Variants in GTF2F1 observed in about 807,000 individuals in gnomAD.
GTF2F1 encodes the protein general transcription factor IIF subunit 1, also known as general transcription factor IIF 74 kDa subunit.
Under a neutral mutation model 63.5 loss-of-function variants are expected in GTF2F1, and 39 were observed. The observed-to-expected ratio is 0.61, with a 90% CI of 0.48 to 0.80. The LOEUF (loss-of-function observed/expected upper bound fraction) is 0.80, where lower values mean the gene tolerates loss of function less well. Ranked by LOEUF, GTF2F1 falls within the 30% of genes least tolerant of loss-of-function variation. The pLI is 0.00. For missense variants in GTF2F1, 657 were observed against 718.3 expected (o/e 0.91, Z 0.97); for synonymous variants, 287 against 285.3 (o/e 1.01, Z -0.06).
chr19:6,387,510 T>C lies in GTF2F1; in HGVS notation c.376A>G (p.Ile126Val). Residue 126 changes from isoleucine (I) to valine (V), a missense_variant, in exon 5 of 13, where the codon ATC (isoleucine) becomes GTC (valine). By Grantham distance (29) the Ile-to-Val change is conservative. This residue lies in a region of GTF2F1 where 602 missense variants were observed against 625.6 expected (regional missense o/e 0.96). Coordinates refer to ENST00000394456, the MANE Select transcript of GTF2F1 (RefSeq NM_002096.3). The part of the protein sequence containing the change: ...GGVTENTSYY[I>V]FTQCPDGAFE... ...GCCCCGTCGGGGCACTGGGTGAAGATGTAGTAGGACGTGTTCTCTGTTACG... is the reference window on the plus strand; with the variant it reads ...GCCCCGTCGGGGCACTGGGTGAAGACGTAGTAGGACGTGTTCTCTGTTACG... 1.2e-6 allele frequency: 2 copies of C among 1,614,164 alleles called. No individual in the cohort carries two copies. The highest frequency in any genetic ancestry group is 1.7e-6 in the Non-Finnish European group (2 of 1,180,012).
chr19:6,391,958 A>G lies in GTF2F1; in HGVS notation c.76T>C (p.Tyr26His). Residue 26 changes from tyrosine (Y) to histidine (H), a missense_variant, in exon 3 of 13, where the codon TAT becomes CAT. By Grantham distance (83) the Tyr-to-His change is moderately conservative. Coordinates refer to ENST00000394456, the MANE Select transcript of GTF2F1 (RefSeq NM_002096.3). ...VRVPKNTTKKYNIMAFNAADK... is the reference protein window; with the variant it reads ...VRVPKNTTKKHNIMAFNAADK... ...GCTGCATTAAAAGCCATGATGTTAT[A>G]TTTTTTGGTTGTATTCCTGGAGTGG... 1 of 1,574,204 alleles carries G rather than the reference A, an allele frequency of 6.4e-7. No individual in the cohort carries two copies. The highest frequency in any genetic ancestry group is 8.6e-7 in the Non-Finnish European group (1 of 1,156,728).
intron 2 of GTF2F1, 65 bp downstream of exon 2, chr19:6,392,789 TAAG>T: frequency 6.7e-7 from 1 of 1,485,386 alleles, no homozygotes; most frequent in South Asian, 1.1e-5. Context: ...AATGGCTGGC[TAAG>T]AAGATCGTGA....
At chr19:6,390,920 C>T (rs555188322) in intron 3 of GTF2F1, among the ~76,000 whole-genome samples, 1 of 152,180 alleles carries the variant, frequency 6.6e-6, no homozygotes, top group East Asian at 1.9e-4. Flanking sequence ...CATTGTGCAA[C>T]ACTTGCTGAC....
rs961221152 is a variant in GTF2F1 at position 6,383,726 on chromosome 19, G to A, written c.498-231C>T. 6.6e-6 allele frequency among the ~76,000 whole-genome samples: 1 copy of A among 152,198 alleles called. No homozygotes were observed. Among genetic ancestry groups the A allele is most frequent in the Non-Finnish European group, 1.5e-5 (1 of 68,038 alleles). On this transcript the variant is annotated intron_variant, in intron 5 of 12. Coordinates refer to ENST00000394456, the MANE Select transcript of GTF2F1 (RefSeq NM_002096.3). The surrounding 1 kb of genome is among the most constrained non-coding windows in gnomAD (Gnocchi z 4.5). Reference sequence around the variant, plus strand: ...GAGCAGGTCCCCATGTGCTGCTGGAGTCTCAGCACCTCCCTCGGACTCAGA... The same window carrying A: ...GAGCAGGTCCCCATGTGCTGCTGGAATCTCAGCACCTCCCTCGGACTCAGA...
chr19:6,389,691 G>GC, intron 3 of GTF2F1, 54 bp from the exon 4 acceptor site: 2 of 1,532,574 alleles, frequency 1.3e-6, no homozygotes, highest in Non-Finnish European at 9.0e-7. Flanking sequence ...CTTGCGCAGT[G>GC]CCCCCCTCCA....
chr19:6,383,310 CCCT>C lies in GTF2F1; in HGVS notation c.680_682del (p.Glu227del), dbSNP rs753025371. 5 of 1,613,686 alleles carry C rather than the reference CCCT, an allele frequency of 3.1e-6. 1 individual carries two copies. Among genetic ancestry groups the C allele is most frequent in the Admixed American group, 1.7e-5 (1 of 60,034 alleles). On this transcript the variant is annotated inframe_deletion and splice_region_variant, in exon 6 of 13. Transcript: ENST00000394456. The surrounding 1 kb of genome is among the most constrained non-coding windows in gnomAD (Gnocchi z 4.5). Reference sequence around the variant, plus strand: ...CCTAATGCCCAGGCGCCCGTACTCACCCTCCTCACCACTGGCATCACTGGCATC... The same window carrying C: ...CCTAATGCCCAGGCGCCCGTACTCACCCTCACCACTGGCATCACTGGCATC...
rs756054151 is a variant in GTF2F1 at position 6,381,031 on chromosome 19, C to T, written c.1104G>A (p.Thr368=). 7.4e-6 allele frequency: 12 copies of T among 1,611,434 alleles called. No individual in the cohort carries two copies. In the Admixed American group the frequency reaches 8.4e-5, roughly 11 times the overall value. ...ACGGCTTCCGCTCTCTCTTGGGTGG[C>T]GTCTTCTTCTTCTGCAGAGGTCAGG... is the stretch of plus-strand genomic sequence containing the variant. The part of the protein sequence containing the change: ...SSALFMAKKK[T]PPKRERKPSG... Residue 368 remains threonine, a synonymous_variant, in exon 11 of 13, where the codon ACG becomes ACA. Coordinates refer to ENST00000394456, the MANE Select transcript of GTF2F1 (RefSeq NM_002096.3). The surrounding 1 kb of genome is among the most constrained non-coding windows in gnomAD (Gnocchi z 4.1).
At chr19:6,386,107 C>T (rs1276169064) in intron 5 of GTF2F1, among the ~76,000 whole-genome samples, 1 of 149,512 alleles carries the variant, frequency 6.7e-6, no homozygotes, top group Non-Finnish European at 1.5e-5. Context: ...TAAAACAGGC[C>T]GGGCGTGGTG....
At position 6,381,846 on chromosome 19, in the gene GTF2F1, G is replaced by GC. The variant is rs759616443; in HGVS notation, c.686dup (p.Arg230GlnfsTer34). On this transcript the variant is annotated frameshift_variant, in exon 7 of 13. Transcript: ENST00000394456. LOFTEE classifies it high-confidence loss of function. The surrounding 1 kb of genome is among the most constrained non-coding windows in gnomAD (Gnocchi z 4.1). Reference sequence around the variant, plus strand: ...CCTTCTTCTTGGCCTTGGGGACTCTGCCCCCTGGGAAGGGAGGAAAGGAAG... The same window carrying GC: ...CCTTCTTCTTGGCCTTGGGGACTCTGCCCCCCTGGGAAGGGAGGAAAGGAAG... 5.6e-6 allele frequency: 9 copies of GC among 1,611,252 alleles called. No homozygotes were observed. Among genetic ancestry groups the GC allele is most frequent in the Admixed American group, 3.3e-5 (2 of 59,944 alleles).
At chr19:6,392,547 C>T (rs949886279) in intron 2 of GTF2F1, 4 of 575,884 alleles carry the variant, frequency 6.9e-6, no homozygotes, top group Non-Finnish European at 1.3e-5. Context: ...GGAAAGACAG[C>T]CTGACCACTT....
chr19:6,387,200 G>C (rs1297711656), intron 5 of GTF2F1, 189 bp downstream of exon 5: 4 of 580,574 alleles, frequency 6.9e-6, no homozygotes, highest in African/African-American at 1.9e-5. Context: ...CACCCTCTGG[G>C]GTGCCCCATT....
intron 6 of GTF2F1, among the ~76,000 whole-genome samples, chr19:6,382,621 ACT>A (rs1256639831): frequency 1.5e-5 from 2 of 132,062 alleles, no homozygotes; most frequent in East Asian, 2.3e-4. Flanking sequence ...ACAGAGCAAG[ACT>A]CTGTCTCCAA....
intron 5 of GTF2F1, chr19:6,387,112 C>T (rs779779268): frequency 2.4e-5 from 10 of 420,002 alleles, no homozygotes; most frequent in Non-Finnish European, 3.9e-5. Flanking sequence ...CTGCAGCCTG[C>T]GGAAAGCCAA....
chr19:6,385,868 G>A (rs1177910415), intron 5 of GTF2F1, among the ~76,000 whole-genome samples: 2 of 151,850 alleles, frequency 1.3e-5, no homozygotes, highest in African/African-American at 4.8e-5. Context: ...GGCAGATCAC[G>A]AGGTCAGGAG....
chr19:6,384,832 G>A (rs1354568316), intron 5 of GTF2F1, among the ~76,000 whole-genome samples: 1 of 152,020 alleles, frequency 6.6e-6, no homozygotes, highest in Non-Finnish European at 1.5e-5. Context: ...CACCGAGACT[G>A]GAGTGCAATG....
Position 6,381,851 on chromosome 19 carries a change from CT to C in GTF2F1, c.683-2del. On this transcript the variant is annotated splice_acceptor_variant, in intron 6 of 12. Transcript: ENST00000394456. LOFTEE classifies it high-confidence loss of function. The surrounding 1 kb of genome is among the most constrained non-coding windows in gnomAD (Gnocchi z 4.1). ...TTCTTGGCCTTGGGGACTCTGCCCC[CT>C]GGGAAGGGAGGAAAGGAAGGAAAGG... The C allele has an allele frequency of 3.1e-6, 5 of 1,610,534 alleles. No individual in the cohort carries two copies. The highest frequency in any genetic ancestry group is 4.2e-6 in the Non-Finnish European group (5 of 1,178,740).
At chr19:6,389,779 G>A (rs751535358) in intron 3 of GTF2F1, 142 bp from the exon 4 acceptor site, 10 of 668,422 alleles carry the variant, frequency 1.5e-5, no homozygotes, top group Non-Finnish European at 2.3e-5. Context: ...GGAGGAGAAC[G>A]GTAGCCTTTG....
At position 6,383,835 on chromosome 19, in the gene GTF2F1, C is replaced by T. The variant is rs781485003; in HGVS notation, c.498-340G>A. Among the ~76,000 whole-genome samples the T allele has an allele frequency of 2.0e-5, 3 of 152,084 alleles. No homozygotes were observed. The highest frequency in any genetic ancestry group is 2.9e-5 in the Non-Finnish European group (2 of 68,026). ...TTTCTGAGACAGAGTATCGCTCTGT[C>T]GCCCAGACTGGAGTGCAGTGATGTG... is the stretch of plus-strand genomic sequence containing the variant. On this transcript the variant is annotated intron_variant, in intron 5 of 12. Coordinates refer to ENST00000394456, the MANE Select transcript of GTF2F1 (RefSeq NM_002096.3). The surrounding 1 kb of genome is among the most constrained non-coding windows in gnomAD (Gnocchi z 4.5).
In GTF2F1 at chr19:6,380,018, G is replaced by A. The variant is rs2091940184; in HGVS notation, c.*263C>T. 1.9e-6 allele frequency: 1 copy of A among 534,728 alleles called. No homozygotes were observed. The highest frequency in any genetic ancestry group is 1.9e-5 in the African/African-American group (1 of 52,440). 33.1% of individuals were successfully genotyped at this position (534,728 alleles called of 1,614,324 possible). On this transcript the variant is annotated 3_prime_UTR_variant, in exon 13 of 13. Transcript: ENST00000394456. This position sits in a 1 kb window ranked among gnomAD's most constrained non-coding sequence, Gnocchi z 5.3. ...GGTCAGTGTGAGGGAGGCCGAGCCA[G>A]GAGGAGGAGGACAATAAGAAGGCCT...
Sources: allele counts gnomAD v4.1 joint callset (sites outside exome capture counted in the v4.1 genomes callset), GRCh38; gene constraint gnomAD v4.1.1; regional missense constraint gnomAD v4.1.1; non-coding constraint Gnocchi (gnomAD v3.1); transcripts MANE v1.5; gene names NCBI Gene and HGNC (gene_info 2026-07-23, HGNC 2026-07-21).